Variants in TOM1L2 observed in about 807,000 individuals in gnomAD.
TOM1L2 encodes TOM1-like protein 2.
TOM1L2 carries 31 observed loss-of-function variants against 67.9 expected under a neutral mutation model. The ratio of observed to expected loss-of-function variants is 0.46; its 90% CI spans 0.34 to 0.62. TOM1L2 has a LOEUF of 0.62. Ranked by LOEUF, TOM1L2 falls within the 20% of genes least tolerant of loss-of-function variation. The pLI is 0.01. For missense variants in TOM1L2, 606 were observed against 663.5 expected (o/e 0.91, Z 0.95); for synonymous variants, 256 against 254.0 (o/e 1.01, Z -0.07).
At chr17:17,918,536 G>C (rs1477155321) in intron 1 of TOM1L2, among the ~76,000 whole-genome samples, 1 of 152,170 alleles carries the variant, frequency 6.6e-6, no homozygotes, top group African/African-American at 2.4e-5. Flanking sequence ...AAAATTGCAA[G>C]AGGGTGAAAA....
intron 1 of TOM1L2, among the ~76,000 whole-genome samples, chr17:17,942,616 C>T (rs2040780591): frequency 6.6e-6 from 1 of 152,088 alleles, no homozygotes; most frequent in African/African-American, 2.4e-5. Flanking sequence ...ATTATGTCCC[C>T]CATTTTAAAA....
At chr17:17,922,498 G>A (rs1190035909) in intron 1 of TOM1L2, among the ~76,000 whole-genome samples, 1 of 152,124 alleles carries the variant, frequency 6.6e-6, no homozygotes, top group East Asian at 1.9e-4. Context: ...AGGAAGCAGG[G>A]GGCAGGTTAT....
At chr17:17,868,942 T>C (rs185618648) in intron 8 of TOM1L2, 2 of 166,042 alleles carry the variant, frequency 1.2e-5, no homozygotes, top group Admixed American at 1.2e-4. Context: ...AAATCCTTTT[T>C]CTTACTAGAG....
intron 1 of TOM1L2, among the ~76,000 whole-genome samples, chr17:17,912,597 G>A (rs564398223): frequency 6.6e-6 from 1 of 151,962 alleles, no homozygotes; most frequent in South Asian, 2.1e-4. Flanking sequence ...GGGCGGCCGG[G>A]CAGAGACGCT....
At chr17:17,909,564 A>G (rs1408114685) in intron 1 of TOM1L2, among the ~76,000 whole-genome samples, 2 of 139,494 alleles carry the variant, frequency 1.4e-5, no homozygotes, top group Non-Finnish European at 3.1e-5. Flanking sequence ...GACAGAAAGT[A>G]GAATGGTGGT....
intron 1 of TOM1L2, among the ~76,000 whole-genome samples, chr17:17,943,688 C>G (rs1296005155): frequency 3.9e-5 from 6 of 152,114 alleles, no homozygotes; most frequent in Non-Finnish European, 7.4e-5. Flanking sequence ...GTGGTCTGCA[C>G]CAAACAGAAA....
At chr17:17,875,259 A>G (rs1466442578) in intron 7 of TOM1L2, among the ~76,000 whole-genome samples, 1 of 118,364 alleles carries the variant, frequency 8.4e-6, no homozygotes, top group Non-Finnish European at 2.2e-5. Context: ...CCTTCTCAAA[A>G]AGAAAAAAAG....
intron 1 of TOM1L2, among the ~76,000 whole-genome samples, chr17:17,929,668 A>G (rs1427170352): frequency 6.6e-6 from 1 of 152,220 alleles, no homozygotes; most frequent in Non-Finnish European, 1.5e-5. Context: ...AGAAATCCAT[A>G]GACTGTCATT....
Position 17,850,938 on chromosome 17 carries a change from C to T in TOM1L2, c.1293G>A (p.Gln431=), listed in dbSNP as rs370048714. ...CCTCAATGTCGTCCATGACAGATGG[C>T]TGCGCAACGGGGATCTATGGAGGCG... ...KQSSEGIPVA[Q]PSVMDDIEVW... The change falls in exon 13 of 15, where the codon CAG becomes CAA. Residue 431 remains glutamine (Q), a synonymous_variant. Coordinates refer to ENST00000379504, the MANE Select transcript of TOM1L2 (RefSeq NM_001082968.2). 2 of 1,613,880 alleles carry T rather than the reference C, an allele frequency of 1.2e-6. No homozygotes were observed. Among genetic ancestry groups the T allele is most frequent in the Non-Finnish European group, 1.7e-6 (2 of 1,180,034 alleles).
intron 1 of TOM1L2, among the ~76,000 whole-genome samples, chr17:17,918,268 T>TG (rs755628234): frequency 6.6e-6 from 1 of 151,998 alleles, no homozygotes; most frequent in Non-Finnish European, 1.5e-5. Flanking sequence ...TTTTGTTTTG[T>TG]GGTATCTTCA....
intron 5 of TOM1L2, among the ~76,000 whole-genome samples, chr17:17,883,462 C>T (rs547136211): frequency 2.0e-5 from 3 of 152,094 alleles, no homozygotes; most frequent in East Asian, 1.9e-4. Context: ...GGGCCAGGTG[C>T]GGTGGCTTAC....
At position 17,844,347 on chromosome 17, in the gene TOM1L2, C is replaced by G. The variant is rs1186029552; in HGVS notation, c.*3288G>C. ...TCTGTTGCCCTTGGGCCATGTGGAG[C>G]CCTTGCCCCAACTCTCCGGGCTGGG... On this transcript the variant is annotated 3_prime_UTR_variant, in exon 15 of 15. Coordinates refer to ENST00000379504, the MANE Select transcript of TOM1L2 (RefSeq NM_001082968.2). 1 of 152,158 alleles carries G rather than the reference C, an allele frequency of 6.6e-6. No homozygotes were observed. Among genetic ancestry groups the G allele is most frequent in the African/African-American group, 2.4e-5 (1 of 41,398 alleles). 9.4% of individuals were successfully genotyped at this position (152,158 alleles called of 1,614,324 possible).
chr17:17,893,349 G>C (rs2038389450), intron 4 of TOM1L2, among the ~76,000 whole-genome samples: 1 of 152,146 alleles, frequency 6.6e-6, no homozygotes, highest in Non-Finnish European at 1.5e-5. Flanking sequence ...CCCGCACGTA[G>C]CTCTAACATG....
chr17:17,947,686 T>G (rs2041011155), intron 1 of TOM1L2, among the ~76,000 whole-genome samples: 2 of 152,208 alleles, frequency 1.3e-5, no homozygotes, highest in Admixed American at 6.5e-5. Flanking sequence ...TCTCATTTAA[T>G]GCCCCGACAC....
At chr17:17,903,768 A>G (rs570976310) in intron 2 of TOM1L2, among the ~76,000 whole-genome samples, 2 of 152,280 alleles carry the variant, frequency 1.3e-5, no homozygotes, top group South Asian at 2.1e-4. Context: ...AACACGGGTT[A>G]TGAAATCATA....
intron 1 of TOM1L2, among the ~76,000 whole-genome samples, chr17:17,934,177 T>A (rs2040432118): frequency 6.6e-6 from 1 of 152,224 alleles, no homozygotes; most frequent in African/African-American, 2.4e-5. Flanking sequence ...GTAGCCATTT[T>A]CAAAGTGCTC....
At chr17:17,971,314 C>T (rs1011331544) in intron 1 of TOM1L2, among the ~76,000 whole-genome samples, 1 of 152,148 alleles carries the variant, frequency 6.6e-6, no homozygotes, top group African/African-American at 2.4e-5. Context: ...AGAAAGGGCA[C>T]AAGGTCATAT....
rs117544762 is a variant in TOM1L2, at chr17:17,953,022, C to T, written c.52+19240G>A. On this transcript the variant is annotated intron_variant, in intron 1 of 14. Coordinates refer to ENST00000379504, the MANE Select transcript of TOM1L2 (RefSeq NM_001082968.2). ...GGGACGCCATGCCCAACAGACTGGT[C>T]CCCACCCCTTCATTTGGGAGGCTGA... Among the ~76,000 whole-genome samples the T allele has an allele frequency of 4.7e-3, 723 of 152,218 alleles. 1 individual carries two copies. The highest frequency in any genetic ancestry group is 8.2e-3 in the Non-Finnish European group (561 of 68,010).
At chr17:17,940,088 G>A (rs2040668328) in intron 1 of TOM1L2, among the ~76,000 whole-genome samples, 2 of 150,492 alleles carry the variant, frequency 1.3e-5, no homozygotes, top group Non-Finnish European at 3.0e-5. Context: ...AGCTGCCTGA[G>A]AGGCTGAAGC....
Sources: gnomAD v4.1 joint callset for allele counts (sites outside exome capture counted in the v4.1 genomes callset) on GRCh38, gnomAD v4.1.1 for gene constraint, MANE v1.5 for transcripts, NCBI Gene and HGNC (gene_info 2026-07-23, HGNC 2026-07-21) for gene names.